NCALD: variants seen among roughly 807,000 people sequenced by gnomAD.
NCALD encodes the protein neurocalcin delta.
NCALD carries 10 observed loss-of-function variants against 18.6 expected under a neutral mutation model. The observed-to-expected ratio is 0.54, with a 90% confidence interval of 0.33 to 0.91. The LOEUF is 0.91. NCALD is among the 40% of genes least tolerant of loss of function. The pLI is 0.03. For missense variants in NCALD, 184 were observed against 247.6 expected (o/e 0.74, Z 1.72); for synonymous variants, 88 against 87.4 (o/e 1.01, Z -0.04).
chr8:101,767,166 A>G (rs1303268415), intron 1 of NCALD, among the ~76,000 whole-genome samples: 1 of 152,200 alleles, frequency 6.6e-6, no homozygotes, highest in Non-Finnish European at 1.5e-5. Flanking sequence ...AGTTACATAG[A>G]CTTTAGCAGT....
intron 1 of NCALD, among the ~76,000 whole-genome samples, chr8:102,074,472 G>C (rs937095009): frequency 1.3e-5 from 2 of 152,120 alleles, no homozygotes; most frequent in East Asian, 3.9e-4. Context: ...TCCTGACATT[G>C]GTGTGACAGC....
intron 1 of NCALD, among the ~76,000 whole-genome samples, chr8:101,748,868 T>G (rs1810536495): frequency 6.6e-6 from 1 of 152,196 alleles, no homozygotes; most frequent in South Asian, 2.1e-4. Flanking sequence ...GAAGCAGATC[T>G]GGAGAACAGA....
intron 4 of NCALD, among the ~76,000 whole-genome samples, chr8:101,867,276 C>A (rs1815812468): frequency 6.6e-6 from 1 of 152,150 alleles, no homozygotes. Flanking sequence ...TTCCCCTTAG[C>A]AATCATCACT....
intron 2 of NCALD, among the ~76,000 whole-genome samples, chr8:101,943,387 T>G (rs1819032668): frequency 6.6e-6 from 1 of 152,208 alleles, no homozygotes; most frequent in African/African-American, 2.4e-5. Context: ...CAGGGCTGAT[T>G]AGGACTAAAA....
Position 101,994,266 on chromosome 8 carries a change from C to T in NCALD, c.-157+25971G>A, listed in dbSNP as rs960768798. Among the ~76,000 whole-genome samples the T allele has an allele frequency of 7.2e-5, 11 of 152,216 alleles. No individual in the cohort carries two copies. The South Asian group carries it at 8.3e-4, about 12-fold the overall frequency. On this transcript the variant is annotated intron_variant, in intron 2 of 6. Coordinates refer to the NCALD transcript ENST00000311028. Reference sequence around the variant, plus strand: ...CATCCTGTTGGTCAAATGCAAGGGGCGACTGTGAAGTCCCAATCTGGTTCC... The same window carrying T: ...CATCCTGTTGGTCAAATGCAAGGGGTGACTGTGAAGTCCCAATCTGGTTCC...
intron 2 of NCALD, among the ~76,000 whole-genome samples, chr8:102,013,910 C>T (rs972190414): frequency 6.6e-6 from 1 of 152,184 alleles, no homozygotes; most frequent in Non-Finnish European, 1.5e-5. Context: ...TTTGGCAGCA[C>T]ACTCCCTTCA....
chr8:101,757,397 A>T (rs978187197), intron 1 of NCALD, among the ~76,000 whole-genome samples: 1 of 152,186 alleles, frequency 6.6e-6, no homozygotes, highest in African/African-American at 2.4e-5. Context: ...ATCTCTCCGG[A>T]ACTTAAAACA....
intron 3 of NCALD, among the ~76,000 whole-genome samples, chr8:101,904,063 G>A (rs1276957897): frequency 6.6e-6 from 1 of 152,184 alleles, no homozygotes; most frequent in Non-Finnish European, 1.5e-5. Flanking sequence ...TCTCCTGGTT[G>A]AATAAAATGG....
chr8:101,877,047 A>G (rs970992923), intron 4 of NCALD, among the ~76,000 whole-genome samples: 2 of 152,248 alleles, frequency 1.3e-5, no homozygotes, highest in Non-Finnish European at 2.9e-5. Context: ...TTAAGTCTTA[A>G]GTAAAAAATA....
At chr8:101,992,244 T>G (rs554528581) in intron 2 of NCALD, among the ~76,000 whole-genome samples, 1 of 152,294 alleles carries the variant, frequency 6.6e-6, no homozygotes, top group East Asian at 1.9e-4. Context: ...CAGCCCCCAT[T>G]TCCTCTTTCC....
At chr8:101,723,371 T>C (rs1178437847) in intron 1 of NCALD, among the ~76,000 whole-genome samples, 3 of 152,134 alleles carry the variant, frequency 2.0e-5, no homozygotes, top group Admixed American at 6.5e-5. Context: ...TATGAACACA[T>C]ATTTTCAAAA....
intron 2 of NCALD, among the ~76,000 whole-genome samples, chr8:101,952,035 A>G (rs1819445370): frequency 6.6e-6 from 1 of 152,218 alleles, no homozygotes; most frequent in African/African-American, 2.4e-5. Context: ...ATGTCAACAA[A>G]AAAAGGAGCA....
At chr8:101,759,007 C>A (rs1489017665) in intron 1 of NCALD, among the ~76,000 whole-genome samples, 2 of 152,160 alleles carry the variant, frequency 1.3e-5, no homozygotes, top group Non-Finnish European at 2.9e-5. Context: ...CCATCCCCAA[C>A]TTACTTCATA....
chr8:101,915,547 G>A (rs1586748200), intron 3 of NCALD: 1 of 152,300 alleles, frequency 6.6e-6, no homozygotes, highest in East Asian at 1.9e-4. Context: ...CCACTGAGTG[G>A]TTGCAAATAT....
chr8:101,892,067 GACAA>G (rs894757827), intron 3 of NCALD, among the ~76,000 whole-genome samples: 1 of 151,956 alleles, frequency 6.6e-6, no homozygotes, highest in African/African-American at 2.4e-5. Context: ...GCAGGGCACA[GACAA>G]ACAAAAAGAC....
chr8:101,792,155 C>T (rs1171498254), upstream of NCALD, among the ~76,000 whole-genome samples: 2 of 152,050 alleles, frequency 1.3e-5, no homozygotes, highest in Non-Finnish European at 2.9e-5. Flanking sequence ...AGGCTTATAA[C>T]GACTTCTATT....
rs573217376 is a variant in NCALD at position 101,900,712 on chromosome 8, G to A, written c.-106-13485C>T. 1.2e-4 allele frequency among the ~76,000 whole-genome samples: 18 copies of A among 152,136 alleles called. No individual in the cohort carries two copies. The Middle Eastern group carries it at 0.01, about 86-fold the overall frequency. Reference sequence around the variant, plus strand: ...CTATCTTGATTTGATTATAGCCAGAGAATACACTTTGTATAATTTCAATTC... The same window carrying A: ...CTATCTTGATTTGATTATAGCCAGAAAATACACTTTGTATAATTTCAATTC... On this transcript the variant is annotated intron_variant, in intron 3 of 6. Coordinates refer to the NCALD transcript ENST00000311028.
At chr8:101,790,781 C>T (rs1257873319) in intron 1 of NCALD, 81 bp downstream of exon 1, 1 of 152,168 alleles carries the variant, frequency 6.6e-6, no homozygotes, top group Admixed American at 6.5e-5. Context: ...TGAATACAAA[C>T]TTGTAGGAGG....
At chr8:101,958,379 T>C (rs1327900032) in intron 2 of NCALD, among the ~76,000 whole-genome samples, 5 of 152,058 alleles carry the variant, frequency 3.3e-5, no homozygotes, top group South Asian at 2.1e-4. Context: ...TCGTACAGCA[T>C]AATTGGTCAC....
Sources: gnomAD v4.1 joint callset for allele counts (sites outside exome capture counted in the v4.1 genomes callset) on GRCh38, gnomAD v4.1.1 for gene constraint, MANE v1.5 for transcripts, NCBI Gene and HGNC (gene_info 2026-07-23, HGNC 2026-07-21) for gene names.